Variants in PRKG1 observed in about 807,000 individuals in gnomAD.
PRKG1 encodes the protein cGMP-dependent protein kinase 1.
In PRKG1, 35 loss-of-function variants were observed where a neutral mutation model predicts 88.1. The ratio of observed to expected loss-of-function variants is 0.40; its 90% CI spans 0.30 to 0.53. PRKG1 has a LOEUF of 0.53. Ranked by LOEUF, PRKG1 falls within the 20% of genes least tolerant of loss-of-function variation. PRKG1 has a pLI of 0.59. For missense variants in PRKG1, 540 were observed against 839.8 expected (o/e 0.64, Z 4.41); for synonymous variants, 303 against 292.5 (o/e 1.04, Z -0.37).
chr10:51,387,862 G>A (rs981870735), intron 2 of PRKG1, among the ~76,000 whole-genome samples: 8 of 152,180 alleles, frequency 5.3e-5, no homozygotes, highest in Admixed American at 4.6e-4. Context: ...AAAAGTGACT[G>A]CTGCTACTGA....
chr10:52,298,120 A>G lies in PRKG1; in HGVS notation c.*4220A>G, dbSNP rs907102705. 1 of 152,002 alleles carries G rather than the reference A, an allele frequency of 6.6e-6. No homozygotes were observed. Among genetic ancestry groups the G allele is most frequent in the African/African-American group, 2.4e-5 (1 of 41,400 alleles). 9.4% of individuals were successfully genotyped at this position (152,002 alleles called of 1,614,324 possible). A position where few individuals can be genotyped will look rare whatever the true frequency, so the allele number is the denominator to read the frequency against. On this transcript the variant is annotated 3_prime_UTR_variant, in exon 18 of 18. Coordinates refer to ENST00000373980, the MANE Select transcript of PRKG1 (RefSeq NM_006258.4). ...CTTTTGTATTCTTACAGCTATGGTT[A>G]TTTGATTGTCCTCTTACAATTTGTT... is the stretch of plus-strand genomic sequence containing the variant.
intron 3 of PRKG1, among the ~76,000 whole-genome samples, chr10:51,668,965 C>T (rs913012838): frequency 1.3e-5 from 2 of 152,080 alleles, no homozygotes; most frequent in African/African-American, 2.4e-5. Context: ...TATTTTATAT[C>T]AGGAGATATT....
At chr10:51,510,040 C>G (rs1841345447) in intron 3 of PRKG1, among the ~76,000 whole-genome samples, 1 of 152,112 alleles carries the variant, frequency 6.6e-6, no homozygotes, top group African/African-American at 2.4e-5. Context: ...CAATTGACAG[C>G]AACAGCATAA....
chr10:52,272,511 C>G, intron 12 of PRKG1, 30 bp downstream of exon 12: 1 of 1,479,536 alleles, frequency 6.8e-7, no homozygotes, highest in Non-Finnish European at 9.4e-7. Context: ...TCTATGATAT[C>G]TCTAAAAACA....
chr10:52,155,732 G>GCCACACACAC lies in PRKG1; in HGVS notation c.1002-6157_1002-6156insCCACACACAC, dbSNP rs3220860. 8.0e-3 allele frequency among the ~76,000 whole-genome samples: 1,177 copies of GCCACACACAC among 147,842 alleles called. 16 individuals carry two copies. Among genetic ancestry groups the GCCACACACAC allele is most frequent in the Non-Finnish European group, 0.01 (700 of 66,864 alleles). ...TCAATTTGTTAACCTATTGCCATTG[G>GCCACACACAC]ACACACACACACACACACACACACG... On this transcript the variant is annotated intron_variant, in intron 8 of 17. Transcript: ENST00000373980.
At chr10:51,364,130 T>C (rs1177343734) in intron 2 of PRKG1, among the ~76,000 whole-genome samples, 1 of 151,988 alleles carries the variant, frequency 6.6e-6, no homozygotes, top group Non-Finnish European at 1.5e-5. Context: ...ATTAGATGGC[T>C]AAGGGGAAAA....
chr10:51,523,548 A>G (rs1023954665), intron 3 of PRKG1, among the ~76,000 whole-genome samples: 6 of 152,132 alleles, frequency 3.9e-5, no homozygotes, highest in Admixed American at 3.3e-4. Context: ...TCTCTTAACA[A>G]ATTTTCTCCA....
intron 2 of PRKG1, among the ~76,000 whole-genome samples, chr10:51,162,519 T>A (rs1846390095): frequency 6.6e-6 from 1 of 152,200 alleles, no homozygotes; most frequent in African/African-American, 2.4e-5. Context: ...TTAAAATCAA[T>A]CTGAGAATTC....
intron 1 of PRKG1, among the ~76,000 whole-genome samples, chr10:51,029,635 G>A (rs979318622): frequency 6.6e-6 from 1 of 152,162 alleles, no homozygotes; most frequent in South Asian, 2.1e-4. Context: ...TTAGGTTCCA[G>A]TCCCAACTCT....
intron 3 of PRKG1, among the ~76,000 whole-genome samples, chr10:51,624,888 TGG>T (rs1839295707): frequency 5.3e-5 from 8 of 152,160 alleles, no homozygotes; most frequent in African/African-American, 1.9e-4. Context: ...GAGAGAATAC[TGG>T]TTATCAGAGG....
intron 2 of PRKG1, among the ~76,000 whole-genome samples, chr10:51,204,920 A>G (rs999776181): frequency 8.6e-5 from 13 of 152,036 alleles, no homozygotes; most frequent in African/African-American, 2.9e-4. Flanking sequence ...GTATGACTCA[A>G]TGTTGTAACC....
At chr10:51,654,191 A>G (rs1840107609) in intron 3 of PRKG1, among the ~76,000 whole-genome samples, 1 of 152,100 alleles carries the variant, frequency 6.6e-6, no homozygotes. Flanking sequence ...TCCATTTTGA[A>G]TTAATATTTG....
chr10:51,447,644 A>C (rs1839314316), intron 2 of PRKG1, among the ~76,000 whole-genome samples: 1 of 141,342 alleles, frequency 7.1e-6, no homozygotes. Context: ...CTTCCTCTTC[A>C]TCTGCAGTTT....
intron 3 of PRKG1, among the ~76,000 whole-genome samples, chr10:51,765,610 A>C (rs1838137722): frequency 6.6e-6 from 1 of 152,112 alleles, no homozygotes; most frequent in African/African-American, 2.4e-5. Context: ...TTAATAAATT[A>C]ATATATTACA....
chr10:51,693,013 G>A (rs1841183407), intron 3 of PRKG1, among the ~76,000 whole-genome samples: 1 of 152,056 alleles, frequency 6.6e-6, no homozygotes, highest in African/African-American at 2.4e-5. Flanking sequence ...AATGCCAGGT[G>A]TGGTGGCTCA....
At chr10:51,179,796 C>T (rs928791086) in intron 2 of PRKG1, among the ~76,000 whole-genome samples, 8 of 152,126 alleles carry the variant, frequency 5.3e-5, no homozygotes, top group African/African-American at 1.7e-4. Flanking sequence ...AGTTCCAGTG[C>T]TTGTTCTGCC....
At chr10:52,027,586 T>C (rs1196123023) in intron 5 of PRKG1, among the ~76,000 whole-genome samples, 13 of 152,134 alleles carry the variant, frequency 8.5e-5, no homozygotes, top group Admixed American at 7.9e-4. Flanking sequence ...TAGACACACA[T>C]AAACAATGGT....
intron 5 of PRKG1, among the ~76,000 whole-genome samples, chr10:51,917,146 C>T (rs1842359233): frequency 6.6e-6 from 1 of 152,048 alleles, no homozygotes; most frequent in African/African-American, 2.4e-5. Context: ...GGTGAAACCC[C>T]ATCCCTACTA....
At chr10:52,026,838 G>A (rs1366417917) in intron 5 of PRKG1, among the ~76,000 whole-genome samples, 3 of 152,136 alleles carry the variant, frequency 2.0e-5, no homozygotes, top group Admixed American at 6.5e-5. Context: ...AGCTGGGCGT[G>A]GTGGTGAGCA....
Sources: allele counts gnomAD v4.1 joint callset (sites outside exome capture counted in the v4.1 genomes callset), GRCh38; gene constraint gnomAD v4.1.1; transcripts MANE v1.5; gene names NCBI Gene and HGNC (gene_info 2026-07-23, HGNC 2026-07-21).